Variants in TXNDC16 observed in about 807,000 individuals in gnomAD.
TXNDC16 encodes the protein thioredoxin domain-containing protein 16.
A neutral mutation model predicts 85.6 loss-of-function variants in TXNDC16; 74 were observed. That is an observed-to-expected ratio of 0.86 (90% confidence interval 0.72 to 1.05). The LOEUF (loss-of-function observed/expected upper bound fraction) is 1.05. TXNDC16 is among the 50% of genes least tolerant of loss of function. The probability of loss-of-function intolerance (pLI) is 0.00; values close to 1 mark genes in which losing one functional copy is unlikely to be tolerated. For missense variants in TXNDC16, 959 were observed against 947.0 expected (o/e 1.01, Z -0.17); for synonymous variants, 335 against 326.5 (o/e 1.03, Z -0.28).
At chr14:52,439,493 C>T in intron 19 of TXNDC16, 99 bp from the exon 20 acceptor site, 8 of 1,029,588 alleles carry the variant, frequency 7.8e-6, no homozygotes, top group Middle Eastern at 4.9e-4. Context: ...TAGTATCATG[C>T]CAGTAAGTTC....
At chr14:52,486,301 T>G (rs1244992213) in intron 12 of TXNDC16, among the ~76,000 whole-genome samples, 23 of 147,464 alleles carry the variant, frequency 1.6e-4, no homozygotes, top group African/African-American at 5.9e-4. Context: ...TTTTTTTTTT[T>G]GAGACAGGGT....
chr14:52,492,665 G>A (rs1484183837), intron 9 of TXNDC16, among the ~76,000 whole-genome samples: 2 of 152,190 alleles, frequency 1.3e-5, no homozygotes, highest in African/African-American at 4.8e-5. Context: ...TAGGCAGGGA[G>A]GTGGGGTGTC....
intron 14 of TXNDC16, among the ~76,000 whole-genome samples, chr14:52,477,295 G>C (rs1378680901): frequency 6.6e-6 from 1 of 152,046 alleles, no homozygotes; most frequent in Non-Finnish European, 1.5e-5. Flanking sequence ...GCAACAAATA[G>C]CATGATGAAT....
rs1420975592 is a variant in TXNDC16 at position 52,432,435 on chromosome 14, C to T, written c.2347G>A (p.Asp783Asn). The change falls in exon 21 of 21, where the codon GAT becomes AAT. Residue 783 changes from aspartate (D) to asparagine (N), a missense_variant. Coordinates refer to ENST00000281741, the MANE Select transcript of TXNDC16 (RefSeq NM_020784.3). ...VQENDKEQHE[D>N]KSAVRKEPIE... is the part of the protein sequence containing the mutation. ...GGTTCTTTTCTGACTGCCGATTTAT[C>T]TTCATGTTGTTCCTTATCATTCTCC... 1.2e-6 allele frequency: 2 copies of T among 1,613,970 alleles called. No homozygotes were observed. The highest frequency in any genetic ancestry group is 2.2e-5 in the East Asian group (1 of 44,840).
intron 18 of TXNDC16, among the ~76,000 whole-genome samples, chr14:52,452,691 C>A (rs2035440054): frequency 6.6e-6 from 1 of 152,084 alleles, no homozygotes; most frequent in African/African-American, 2.4e-5. Flanking sequence ...AAAATGGATT[C>A]CAGACGTAAA....
At chr14:52,516,746 C>G (rs1398424987) in intron 7 of TXNDC16, among the ~76,000 whole-genome samples, 1 of 152,072 alleles carries the variant, frequency 6.6e-6, no homozygotes, top group Non-Finnish European at 1.5e-5. Context: ...CCATCCCCCA[C>G]ATACTCTCCT....
chr14:52,548,522 T>C (rs934261910), intron 1 of TXNDC16, among the ~76,000 whole-genome samples: 1 of 152,096 alleles, frequency 6.6e-6, no homozygotes, highest in Non-Finnish European at 1.5e-5. Context: ...TGAGAACAGT[T>C]TGCTGTTTGC....
At chr14:52,542,496 TA>T (rs771443935) in intron 3 of TXNDC16, 43 bp from the exon 4 acceptor site, 13 of 1,430,212 alleles carry the variant, frequency 9.1e-6, no homozygotes, top group Non-Finnish European at 1.3e-5. Context: ...AATTGCCCCT[TA>T]AAAATGAATT....
intron 8 of TXNDC16, among the ~76,000 whole-genome samples, chr14:52,512,065 T>A (rs535757756): frequency 1.3e-5 from 2 of 152,336 alleles, no homozygotes; most frequent in Non-Finnish European, 2.9e-5. Flanking sequence ...TACAAAATTT[T>A]ATTTTTAAAA....
intron 16 of TXNDC16, among the ~76,000 whole-genome samples, chr14:52,464,627 T>C (rs2035729882): frequency 6.6e-6 from 1 of 152,062 alleles, no homozygotes; most frequent in Admixed American, 6.5e-5. Context: ...TTTTTTTTCA[T>C]TAGAAGGTTA....
chr14:52,534,248 T>G (rs1423034055), intron 6 of TXNDC16, among the ~76,000 whole-genome samples: 3 of 152,154 alleles, frequency 2.0e-5, no homozygotes, highest in Non-Finnish European at 2.9e-5. Flanking sequence ...TGCTTCACAT[T>G]TTATACTCTG....
intron 6 of TXNDC16, among the ~76,000 whole-genome samples, chr14:52,532,842 AAAGT>A (rs1427275797): frequency 6.6e-6 from 1 of 152,176 alleles, no homozygotes; most frequent in African/African-American, 2.4e-5. Flanking sequence ...TTAGCATCCA[AAAGT>A]AAGAAGATAG....
At chr14:52,522,618 G>C (rs191155524) in intron 6 of TXNDC16, among the ~76,000 whole-genome samples, 7 of 152,196 alleles carry the variant, frequency 4.6e-5, no homozygotes, top group Admixed American at 1.3e-4. Context: ...AATGCAGGTA[G>C]TGCAAGCTGT....
intron 6 of TXNDC16, among the ~76,000 whole-genome samples, chr14:52,525,116 A>C (rs202139685): frequency 6.6e-6 from 1 of 150,756 alleles, no homozygotes; most frequent in East Asian, 2.0e-4. Context: ...GAGCGAAACT[A>C]AAAAAAAAGA....
chr14:52,453,239 A>G (rs896287044), intron 18 of TXNDC16, among the ~76,000 whole-genome samples: 7 of 152,210 alleles, frequency 4.6e-5, no homozygotes, highest in Non-Finnish European at 8.8e-5. Flanking sequence ...GGGAATGTAA[A>G]TTAGTGCAAC....
Position 52,470,501 on chromosome 14 carries a change from T to C in TXNDC16, c.1481+11A>G, listed in dbSNP as rs201156939. Reference sequence around the variant, plus strand: ...ACATTCAGAGATCTTATAATGAAGCTGAATACTTACAGCTGGATAAATTTT... The same window carrying C: ...ACATTCAGAGATCTTATAATGAAGCCGAATACTTACAGCTGGATAAATTTT... On this transcript the variant is annotated intron_variant, in intron 15 of 20. Transcript: ENST00000281741. The C allele has an allele frequency of 9.6e-4, 1,546 of 1,607,414 alleles. 1 individual carries two copies. Among genetic ancestry groups the C allele is most frequent in the Non-Finnish European group, 1.2e-3 (1,462 of 1,177,776 alleles).
At chr14:52,454,594 A>G (rs946161425) in intron 18 of TXNDC16, among the ~76,000 whole-genome samples, 2 of 147,320 alleles carry the variant, frequency 1.4e-5, no homozygotes, top group African/African-American at 5.0e-5. Flanking sequence ...ACTTGAGGTC[A>G]GGAGTTCGAG....
chr14:52,518,396 A>G (rs761273290), intron 7 of TXNDC16, among the ~76,000 whole-genome samples: 13 of 152,218 alleles, frequency 8.5e-5, no homozygotes, highest in Non-Finnish European at 1.6e-4. Context: ...TCTCCAAATT[A>G]TCTATTCCCA....
intron 20 of TXNDC16, among the ~76,000 whole-genome samples, chr14:52,437,982 A>G (rs575262587): frequency 1.3e-5 from 2 of 152,314 alleles, no homozygotes; most frequent in Non-Finnish European, 2.9e-5. Flanking sequence ...ACTTCAGTGG[A>G]GAAAGTAGCT....
Sources: gnomAD v4.1 joint callset for allele counts (sites outside exome capture counted in the v4.1 genomes callset) on GRCh38, gnomAD v4.1.1 for gene constraint, MANE v1.5 for transcripts, NCBI Gene and HGNC (gene_info 2026-07-23, HGNC 2026-07-21) for gene names.